Variants in AQP7B observed in about 807,000 individuals in gnomAD.
AQP7B encodes putative aquaporin-7B.
chr2:94,591,956 G>C, the AQP7B span, among the ~76,000 whole-genome samples: 1 of 152,076 alleles, frequency 6.6e-6, no homozygotes. Flanking sequence ...TTCTTCCCAC[G>C]GGCTGGATTG....
chr2:94,599,711 C>T, the AQP7B span, among the ~76,000 whole-genome samples: 1 of 152,070 alleles, frequency 6.6e-6, no homozygotes, highest in Non-Finnish European at 1.5e-5. Flanking sequence ...GTCCCTCTCT[C>T]AGCGTATAAA....
At chr2:94,603,938 C>G in the AQP7B span, 3 of 1,225,514 alleles carry the variant, frequency 2.4e-6, no homozygotes, top group South Asian at 4.1e-5. Flanking sequence ...AGGTACTGCC[C>G]CTGCCCAGGC....
the AQP7B span, chr2:94,602,900 G>T: frequency 9.4e-7 from 1 of 1,063,796 alleles, no homozygotes; most frequent in Non-Finnish European, 1.3e-6. Context: ...GCCTCACGGG[G>T]TGGTTGTGAG....
the AQP7B span, among the ~76,000 whole-genome samples, chr2:94,598,717 C>T: frequency 6.6e-6 from 1 of 152,202 alleles, no homozygotes; most frequent in Non-Finnish European, 1.5e-5. Context: ...AAAACCTGTG[C>T]CCTGGATGAA....
chr2:94,603,755 C>T, the AQP7B span: 4 of 1,521,906 alleles, frequency 2.6e-6, no homozygotes, highest in East Asian at 2.3e-5. Context: ...TTCACCATCA[C>T]GGACCAGGAG....
At chr2:94,588,576 C>T in the AQP7B span, 2 of 708,580 alleles carry the variant, frequency 2.8e-6, no homozygotes, top group Non-Finnish European at 4.9e-6. Flanking sequence ...TCTCACCCTC[C>T]AGCCCCCTGT....
chr2:94,591,136 G>A, the AQP7B span, among the ~76,000 whole-genome samples: 1 of 151,700 alleles, frequency 6.6e-6, no homozygotes, highest in Non-Finnish European at 1.5e-5. Context: ...TCTCATCTAT[G>A]CCCATGGCTC....
chr2:94,597,340 G>A, the AQP7B span, among the ~76,000 whole-genome samples: 1 of 152,178 alleles, frequency 6.6e-6, no homozygotes, highest in African/African-American at 2.4e-5. Flanking sequence ...AATAGGCACT[G>A]CCCACATGCT....
chr2:94,603,710 A>G, the AQP7B span: 8 of 1,463,510 alleles, frequency 5.5e-6, no homozygotes, highest in African/African-American at 9.8e-5. Flanking sequence ...TCTGCTCCTC[A>G]GGAGTGGCTG....
the AQP7B span, among the ~76,000 whole-genome samples, chr2:94,588,218 A>G: frequency 6.6e-6 from 1 of 152,102 alleles, no homozygotes; most frequent in African/African-American, 2.4e-5. Context: ...GGGCATCTCC[A>G]CAGTCCAAAG....
the AQP7B span, among the ~76,000 whole-genome samples, chr2:94,599,894 T>C: frequency 6.6e-6 from 1 of 151,442 alleles, no homozygotes; most frequent in African/African-American, 2.4e-5. Context: ...TTTTCTTTTT[T>C]TTGAGATGGA....
At chr2:94,598,035 C>T in the AQP7B span, among the ~76,000 whole-genome samples, 1 of 152,176 alleles carries the variant, frequency 6.6e-6, no homozygotes. Context: ...GTTCAAGTTG[C>T]CTCTCTCAGC....
the AQP7B span, among the ~76,000 whole-genome samples, chr2:94,592,782 C>A: frequency 1.4e-5 from 2 of 147,280 alleles, no homozygotes; most frequent in Non-Finnish European, 3.0e-5. Flanking sequence ...GATCCCAGCC[C>A]TTAGGAAGAA....
At chr2:94,589,134 G>A in the AQP7B span, among the ~76,000 whole-genome samples, 2 of 151,036 alleles carry the variant, frequency 1.3e-5, no homozygotes, top group Admixed American at 6.6e-5. Context: ...AGGATTACAG[G>A]CACACACTAC....
the AQP7B span, among the ~76,000 whole-genome samples, chr2:94,600,288 C>T: frequency 6.6e-6 from 1 of 152,176 alleles, no homozygotes; most frequent in Non-Finnish European, 1.5e-5. Context: ...GAACAGAGTT[C>T]TCCAGGGGAA....
chr2:94,604,602 C>T, the AQP7B span: 1 of 1,532,150 alleles, frequency 6.5e-7, no homozygotes. Context: ...CCCATCCCTT[C>T]CCCAATAAAG....
chr2:94,596,092 G>A, the AQP7B span, among the ~76,000 whole-genome samples: 9 of 152,260 alleles, frequency 5.9e-5, no homozygotes, highest in African/African-American at 2.2e-4. Context: ...GGGGGCAGTG[G>A]TTCCACCAGG....
the AQP7B span, chr2:94,603,854 A>G: frequency 1.4e-6 from 2 of 1,433,720 alleles, no homozygotes; most frequent in South Asian, 1.2e-5. Context: ...AACACAGGAT[A>G]TGCCATCAAT....
the AQP7B span, chr2:94,588,396 G>A: frequency 1.6e-6 from 1 of 615,904 alleles, no homozygotes; most frequent in Non-Finnish European, 2.9e-6. Context: ...GCACTAGCAG[G>A]AGCTGCCCCA....
Sources: allele counts gnomAD v4.1 joint callset (sites outside exome capture counted in the v4.1 genomes callset), GRCh38; gene constraint gnomAD v4.1.1; transcripts MANE v1.5; gene names NCBI Gene and HGNC (gene_info 2026-07-23, HGNC 2026-07-21).